IGF2BP1: variants seen among roughly 807,000 people sequenced by gnomAD.
IGF2BP1 encodes the protein insulin like growth factor 2 mRNA binding protein 1.
IGF2BP1 carries 11 observed loss-of-function variants against 74.9 expected under a neutral mutation model. The observed-to-expected ratio is 0.15, with a 90% confidence interval of 0.09 to 0.24. The LOEUF (loss-of-function observed/expected upper bound fraction) is 0.24, where lower values mean the gene tolerates loss of function less well. IGF2BP1 is among the 10% of genes least tolerant of loss of function. IGF2BP1 has a pLI of 1.00. For synonymous variants in IGF2BP1, 287 were observed against 281.8 expected, an observed-to-expected ratio of 1.02 and a Z score of -0.18; for missense variants, 440 against 757.4, an observed-to-expected ratio of 0.58 and a Z score of 4.92.
At position 49,037,722 on chromosome 17, in the gene IGF2BP1, C is replaced by T. The variant is rs747228919; in HGVS notation, c.402-446C>T. Among the ~76,000 whole-genome samples, 7 of 152,128 alleles carry T rather than the reference C, an allele frequency of 4.6e-5. No individual in the cohort carries two copies. In the East Asian group the frequency reaches 1.3e-3, roughly 29 times the overall value. On this transcript the variant is annotated intron_variant, in intron 5 of 14. Transcript: ENST00000290341. ...TATGTAGTAGTTAGCAGTTGGTTTC[C>T]TCACCCTGTAGTAGGGATTCCTCAA...
chr17:48,999,040 T>C, intron 1 of IGF2BP1, 69 bp from the exon 2 acceptor site: 2 of 934,448 alleles, frequency 2.1e-6, no homozygotes, highest in Non-Finnish European at 1.7e-6. Flanking sequence ...TAGTGTCTTT[T>C]CCCCTTCCTC....
intron 5 of IGF2BP1, chr17:49,037,235 A>T (rs2042000533): frequency 2.2e-6 from 1 of 456,214 alleles, no homozygotes; most frequent in African/African-American, 2.1e-5. Context: ...ATTTTACCAA[A>T]TGTTGCAAGA....
chr17:49,032,362 A>C (rs1413820553), intron 5 of IGF2BP1, among the ~76,000 whole-genome samples: 3 of 151,960 alleles, frequency 2.0e-5, no homozygotes, highest in Admixed American at 6.6e-5. Context: ...ATGAGGGGGA[A>C]CTTCGGGGTT....
chr17:48,998,731 C>G (rs940373277), intron 1 of IGF2BP1, among the ~76,000 whole-genome samples: 1 of 152,186 alleles, frequency 6.6e-6, no homozygotes, highest in Non-Finnish European at 1.5e-5. Flanking sequence ...CACTGCCTCC[C>G]GCCCCGCGCC....
intron 9 of IGF2BP1, among the ~76,000 whole-genome samples, chr17:49,042,923 A>T (rs1371671239): frequency 6.6e-6 from 1 of 152,106 alleles, no homozygotes; most frequent in Middle Eastern, 3.2e-3. Context: ...GGCTCAAGCG[A>T]TTCTCCTACC....
chr17:49,026,283 C>A, intron 3 of IGF2BP1, 183 bp from the exon 4 acceptor site: 1 of 572,016 alleles, frequency 1.7e-6, no homozygotes, highest in Middle Eastern at 4.5e-4. Flanking sequence ...TAAGTACACT[C>A]CTGCAAAGAT....
Position 49,026,535 on chromosome 17 carries a change from G to A in IGF2BP1, c.337+18G>A, listed in dbSNP as rs199994597. ...TGAGCAAGGTAAGAGTGGGCCGGGT[G>A]TGGGGTGGCACTCGTGGTGGGGGTT... On this transcript the variant is annotated intron_variant, in intron 4 of 14. Coordinates refer to ENST00000290341, the MANE Select transcript of IGF2BP1 (RefSeq NM_006546.4). 901 of 1,612,368 alleles carry A rather than the reference G, an allele frequency of 5.6e-4. 3 individuals carry two copies. The highest frequency in any genetic ancestry group is 4.6e-4 in the Non-Finnish European group (547 of 1,178,506).
At chr17:49,046,734 TAG>T (rs2042111874) in intron 14 of IGF2BP1, among the ~76,000 whole-genome samples, 2 of 151,786 alleles carry the variant, frequency 1.3e-5, no homozygotes, top group Non-Finnish European at 2.9e-5. Flanking sequence ...GAAAGAAGAT[TAG>T]TTTTGTTCAT....
chr17:48,998,013 C>G, intron 1 of IGF2BP1, 93 bp downstream of exon 1: 1 of 1,433,978 alleles, frequency 7.0e-7, no homozygotes, highest in South Asian at 1.3e-5. Flanking sequence ...CAACTCCTCT[C>G]TTCCCGGGCC....
intron 12 of IGF2BP1, 123 bp from the exon 13 acceptor site, chr17:49,045,767 A>G: frequency 1.0e-6 from 1 of 989,000 alleles, no homozygotes; most frequent in African/African-American, 1.6e-5. Flanking sequence ...TTAGATGGTT[A>G]GCCCGCCTAG....
At chr17:49,003,983 T>C (rs1276289295) in intron 2 of IGF2BP1, among the ~76,000 whole-genome samples, 1 of 149,094 alleles carries the variant, frequency 6.7e-6, no homozygotes, top group African/African-American at 2.5e-5. Context: ...AGAGAGAGAG[T>C]AGAGAGAGAG....
At chr17:48,999,850 A>G (rs911595949) in intron 2 of IGF2BP1, among the ~76,000 whole-genome samples, 7 of 150,774 alleles carry the variant, frequency 4.6e-5, no homozygotes, top group African/African-American at 1.7e-4. Flanking sequence ...CCAGGGGACC[A>G]TCTGGGGTGA....
intron 5 of IGF2BP1, among the ~76,000 whole-genome samples, chr17:49,034,418 CTT>C (rs113257512): frequency 1.4e-4 from 20 of 141,894 alleles, no homozygotes; most frequent in Admixed American, 1.4e-4. Context: ...CACACTTGGC[CTT>C]TTTTTTTTTT....
At chr17:49,026,100 C>G (rs570517305) in intron 3 of IGF2BP1, among the ~76,000 whole-genome samples, 1 of 151,964 alleles carries the variant, frequency 6.6e-6, no homozygotes, top group East Asian at 1.9e-4. Context: ...AGTGAGCCAC[C>G]GTGCCTGGCC....
rs1389974013 is a variant in IGF2BP1, at chr17:49,014,766, C to T, written c.237-10852C>T. On this transcript the variant is annotated intron_variant, in intron 2 of 14. Coordinates refer to ENST00000290341, the MANE Select transcript of IGF2BP1 (RefSeq NM_006546.4). Reference sequence around the variant, plus strand: ...CGGGGCTGGTGCCCAGATGTTTGCCCATCGTCATCAGGGGGCACTAAGGAC... The same window carrying T: ...CGGGGCTGGTGCCCAGATGTTTGCCTATCGTCATCAGGGGGCACTAAGGAC... 1.4e-5 allele frequency: 14 copies of T among 985,242 alleles called. No homozygotes were observed. The Admixed American group carries it at 7.4e-4, about 52-fold the overall frequency. 61.0% of individuals were successfully genotyped at this position (985,242 alleles called of 1,614,324 possible).
At chr17:49,018,172 G>A (rs1225094662) in intron 2 of IGF2BP1, 1 of 152,208 alleles carries the variant, frequency 6.6e-6, no homozygotes, top group Non-Finnish European at 1.5e-5. Context: ...GTAGTGGACG[G>A]AGAAGGCCCA....
At chr17:49,045,363 A>T (rs2042098254) in intron 12 of IGF2BP1, among the ~76,000 whole-genome samples, 1 of 152,168 alleles carries the variant, frequency 6.6e-6, no homozygotes, top group African/African-American at 2.4e-5. Context: ...TTAATGCCAA[A>T]TTCTCATCTT....
upstream of IGF2BP1, chr17:48,997,361 C>CT (rs2041417368): frequency 6.4e-6 from 1 of 155,926 alleles, no homozygotes; most frequent in Non-Finnish European, 1.3e-5. The surrounding 1 kb of genome is among the most constrained non-coding windows in gnomAD (Gnocchi z 4.8). Flanking sequence ...CGTGGCTTCT[C>CT]CTTTTTTTTT....
chr17:49,026,569 T>C (rs1240698446), intron 4 of IGF2BP1, 52 bp downstream of exon 4: 7 of 1,455,052 alleles, frequency 4.8e-6, no homozygotes, highest in Non-Finnish European at 6.8e-6. Context: ...TTGGAGGAGT[T>C]TGGTGCATTT....
Sources: gnomAD v4.1 joint callset for allele counts (sites outside exome capture counted in the v4.1 genomes callset) on GRCh38, gnomAD v4.1.1 for gene constraint, Gnocchi (gnomAD v3.1) non-coding constraint, MANE v1.5 for transcripts, NCBI Gene and HGNC (gene_info 2026-07-23, HGNC 2026-07-21) for gene names.